TSPAN11: variants seen among roughly 807,000 people sequenced by gnomAD.
The protein encoded by TSPAN11 is tetraspanin 11, also known as tetraspanin-11.
In TSPAN11, 29 loss-of-function variants were observed where a neutral mutation model predicts 32.9. That is an observed-to-expected ratio of 0.88 (90% CI 0.66 to 1.20). The LOEUF is 1.20. TSPAN11 is among the 50% of genes most tolerant of loss of function. TSPAN11 has a pLI of 0.00. For synonymous variants in TSPAN11, 140 were observed against 141.3 expected, an observed-to-expected ratio of 0.99 and a Z score of 0.07; for missense variants, 283 against 329.1, an observed-to-expected ratio of 0.86 and a Z score of 1.08.
downstream of TSPAN11, among the ~76,000 whole-genome samples, chr12:30,999,511 C>A (rs1364071687): frequency 6.6e-6 from 1 of 150,920 alleles, no homozygotes; most frequent in Non-Finnish European, 1.5e-5. Flanking sequence ...AGTCATCTAA[C>A]ACAAAGCCTA....
intron 4 of TSPAN11, 180 bp downstream of exon 4, chr12:30,978,815 C>G: frequency 1.6e-6 from 1 of 613,998 alleles, no homozygotes. Context: ...TCCAGCAATT[C>G]TGTGCTGCAT....
At position 30,965,344 on chromosome 12, in the gene TSPAN11, G is replaced by T. The variant is rs570437838; in HGVS notation, c.276+1327G>T. Among the ~76,000 whole-genome samples, 176 of 152,306 alleles carry T rather than the reference G, an allele frequency of 1.2e-3. No individual in the cohort carries two copies. The Middle Eastern group carries it at 0.014, about 12-fold the overall frequency. ...CTCACGCCTGGAGGTCTGCCCATGA[G>T]CAGGCTGCCAAGCCACGTGCTCTCA... is the stretch of plus-strand genomic sequence containing the variant. On this transcript the variant is annotated intron_variant, in intron 3 of 7. Transcript: ENST00000546076.
intron 5 of TSPAN11, among the ~76,000 whole-genome samples, chr12:30,980,424 A>T (rs1422558563): frequency 6.6e-6 from 1 of 152,172 alleles, no homozygotes; most frequent in Non-Finnish European, 1.5e-5. Context: ...CAGATGTAGG[A>T]TGCTGCCTTC....
At chr12:30,968,903 C>G (rs1168221050) in intron 3 of TSPAN11, among the ~76,000 whole-genome samples, 1 of 152,158 alleles carries the variant, frequency 6.6e-6, no homozygotes, top group Non-Finnish European at 1.5e-5. Context: ...TTTCGAGTAC[C>G]TTGCCTAGCT....
chr12:30,960,775 A>T (rs1270799345), intron 2 of TSPAN11, among the ~76,000 whole-genome samples: 2 of 151,940 alleles, frequency 1.3e-5, no homozygotes, highest in Non-Finnish European at 2.9e-5. Context: ...GCGCTGGCTC[A>T]CACCTGTAAT....
chr12:30,990,155 AGTGT>A (rs757837575), intron 7 of TSPAN11, among the ~76,000 whole-genome samples: 25 of 147,140 alleles, frequency 1.7e-4, no homozygotes, highest in Non-Finnish European at 3.3e-4. Context: ...TGTGTGTGCA[AGTGT>A]GTGTGTGTGC....
chr12:30,977,061 CAGTA>C (rs1228595774), intron 3 of TSPAN11, among the ~76,000 whole-genome samples: 1 of 152,202 alleles, frequency 6.6e-6, no homozygotes, highest in Non-Finnish European at 1.5e-5. Context: ...CTATAGGACA[CAGTA>C]AAATTGCAAT....
chr12:30,942,694 C>T (rs1938190068), intron 1 of TSPAN11, among the ~76,000 whole-genome samples: 1 of 144,950 alleles, frequency 6.9e-6, no homozygotes, highest in African/African-American at 2.6e-5. Context: ...CTGACTAAGA[C>T]ATGGAATGCA....
rs541632114 is a variant in TSPAN11 at position 30,976,975 on chromosome 12, G to C, written c.277-1586G>C. Among the ~76,000 whole-genome samples the C allele has an allele frequency of 5.9e-5, 9 of 152,342 alleles. No homozygotes were observed. The South Asian group carries it at 1.7e-3, about 28-fold the overall frequency. On this transcript the variant is annotated intron_variant, in intron 3 of 7. Coordinates refer to ENST00000546076, the MANE Select transcript of TSPAN11 (RefSeq NM_001370302.1). ...CCTTGCATTTGTGCTCTTGGCCTCA[G>C]GCCCCACAAATGATGGGGCTAGGCC...
At chr12:30,999,023 A>G (rs1939452636), downstream of TSPAN11, 1 of 152,226 alleles carries the variant, frequency 6.6e-6, no homozygotes, top group Non-Finnish European at 1.5e-5. Flanking sequence ...AGTTTAAAAT[A>G]TTGTAACTAA....
chr12:30,930,354 G>C (rs1312229138), intron 1 of TSPAN11, among the ~76,000 whole-genome samples: 2 of 152,152 alleles, frequency 1.3e-5, no homozygotes, highest in African/African-American at 2.4e-5. Context: ...TGAGAAAACA[G>C]CTGAGTGCAG....
downstream of TSPAN11, among the ~76,000 whole-genome samples, chr12:30,998,188 G>C (rs949187572): frequency 6.6e-6 from 1 of 152,268 alleles, no homozygotes; most frequent in Non-Finnish European, 1.5e-5. Context: ...AATAGGCAGT[G>C]CTGTTACTGG....
intron 4 of TSPAN11, among the ~76,000 whole-genome samples, chr12:30,979,266 C>T (rs560249264): frequency 3.9e-5 from 6 of 152,306 alleles, no homozygotes; most frequent in Admixed American, 2.6e-4. Flanking sequence ...GCCTCACCAC[C>T]GCCTCCCACC....
chr12:30,964,121 G>C (rs1281659192), intron 3 of TSPAN11, 104 bp downstream of exon 3: 1 of 935,358 alleles, frequency 1.1e-6, no homozygotes, highest in African/African-American at 2.5e-5. Flanking sequence ...GAGGGGCTGA[G>C]GCTGTGGGAG....
At chr12:30,938,832 C>T (rs1938098295) in intron 1 of TSPAN11, among the ~76,000 whole-genome samples, 2 of 152,152 alleles carry the variant, frequency 1.3e-5, no homozygotes, top group South Asian at 2.1e-4. Flanking sequence ...ATCTTCCCTC[C>T]TCAAAGCCTA....
chr12:30,961,996 C>T (rs1012975482), intron 2 of TSPAN11, among the ~76,000 whole-genome samples: 3 of 152,038 alleles, frequency 2.0e-5, no homozygotes, highest in African/African-American at 7.3e-5. Flanking sequence ...AAAACCTATT[C>T]TAGGATTTCA....
chr12:31,013,453 C>T, the TSPAN11 span, among the ~76,000 whole-genome samples: 6 of 151,862 alleles, frequency 4.0e-5, 1 homozygote, highest in African/African-American at 1.5e-4. Context: ...CATGGTGGCA[C>T]AGGTCTGTAG....
chr12:30,984,284 G>A (rs1939155923), intron 7 of TSPAN11, among the ~76,000 whole-genome samples: 1 of 152,206 alleles, frequency 6.6e-6, no homozygotes, highest in African/African-American at 2.4e-5. Flanking sequence ...TTTGCTCCTA[G>A]GTAACCTTGA....
chr12:30,929,420 G>T (rs192275391), intron 1 of TSPAN11, among the ~76,000 whole-genome samples: 2 of 152,272 alleles, frequency 1.3e-5, no homozygotes, highest in East Asian at 3.9e-4. Context: ...ATATGGAAAT[G>T]ATTTTGCTTA....
Sources: gnomAD v4.1 joint callset for allele counts (sites outside exome capture counted in the v4.1 genomes callset) on GRCh38, gnomAD v4.1.1 for gene constraint, MANE v1.5 for transcripts, NCBI Gene and HGNC (gene_info 2026-07-23, HGNC 2026-07-21) for gene names.